The following SUGCT variants were observed in gnomAD, a reference collection of about 807,000 sequenced individuals.
The protein encoded by SUGCT is succinyl-CoA:glutarate-CoA transferase, also known as succinyl-CoA:glutarate CoA-transferase.
A neutral mutation model predicts 55.0 loss-of-function variants in SUGCT; 41 were observed. The observed-to-expected ratio is 0.74, with a 90% CI of 0.58 to 0.97. The LOEUF (loss-of-function observed/expected upper bound fraction) is 0.97, where lower values mean the gene tolerates loss of function less well. Among genes scored for constraint, SUGCT ranks in the 50% least tolerant of loss-of-function variants. The pLI is 0.00. For synonymous variants in SUGCT, 187 were observed against 200.4 expected (o/e 0.93, Z 0.56); for missense variants, 568 against 547.8 (o/e 1.04, Z -0.37).
At chr7:40,699,651 T>A (rs1183453458) in intron 12 of SUGCT, among the ~76,000 whole-genome samples, 1 of 152,118 alleles carries the variant, frequency 6.6e-6, no homozygotes, top group Non-Finnish European at 1.5e-5. Flanking sequence ...GGCGGATCGC[T>A]TGAGGCCAGG....
intron 12 of SUGCT, among the ~76,000 whole-genome samples, chr7:40,547,654 CAAA>C (rs533939498): frequency 1.8e-3 from 267 of 152,042 alleles, no homozygotes; most frequent in Non-Finnish European, 2.9e-3. Flanking sequence ...TAGAGATAAA[CAAA>C]AGAAGGAAAT....
intron 11 of SUGCT, among the ~76,000 whole-genome samples, chr7:40,491,816 C>G (rs1791698634): frequency 6.6e-6 from 1 of 151,948 alleles, no homozygotes; most frequent in African/African-American, 2.4e-5. Flanking sequence ...CATGGTGTAA[C>G]CTGTCTCTAC....
At chr7:40,880,818 A>C in the SUGCT span, among the ~76,000 whole-genome samples, 28 of 152,306 alleles carry the variant, frequency 1.8e-4, no homozygotes, top group Non-Finnish European at 1.9e-4. Flanking sequence ...TTCTGTTGTA[A>C]GTGTGCAAAG....
At chr7:40,996,402 T>C in the SUGCT span, among the ~76,000 whole-genome samples, 5 of 152,158 alleles carry the variant, frequency 3.3e-5, no homozygotes, top group Admixed American at 2.0e-4. Context: ...CCGGTCACAG[T>C]TGGAGCAGTG....
intron 11 of SUGCT, among the ~76,000 whole-genome samples, chr7:40,471,779 T>C (rs2151471565): frequency 6.6e-6 from 1 of 152,104 alleles, no homozygotes; most frequent in East Asian, 1.9e-4. Flanking sequence ...GCAACATAAA[T>C]AAATTGAAAA....
intron 12 of SUGCT, among the ~76,000 whole-genome samples, chr7:40,724,432 G>A (rs970273198): frequency 7.9e-5 from 12 of 151,982 alleles, no homozygotes; most frequent in Admixed American, 3.9e-4. Flanking sequence ...GCGTGGCAGC[G>A]TGCGCCTGTA....
At chr7:40,910,664 C>T in the SUGCT span, among the ~76,000 whole-genome samples, 1 of 152,138 alleles carries the variant, frequency 6.6e-6, no homozygotes, top group Non-Finnish European at 1.5e-5. Context: ...AGCCTTTGCT[C>T]TATTTGGTTC....
At chr7:40,640,895 T>G (rs1490818065) in intron 12 of SUGCT, among the ~76,000 whole-genome samples, 1 of 152,232 alleles carries the variant, frequency 6.6e-6, no homozygotes, top group Non-Finnish European at 1.5e-5. Context: ...AAAGGGGACT[T>G]GGACCTGGCT....
At chr7:40,410,535 C>T (rs1479775893) in intron 9 of SUGCT, among the ~76,000 whole-genome samples, 2 of 151,994 alleles carry the variant, frequency 1.3e-5, no homozygotes, top group African/African-American at 4.8e-5. Flanking sequence ...TTTATTTTAG[C>T]AGCTATTTTG....
At chr7:40,513,783 A>ATTTTTTTTTTTT (rs869065628) in intron 12 of SUGCT, among the ~76,000 whole-genome samples, 1 of 103,992 alleles carries the variant, frequency 9.6e-6, no homozygotes, top group East Asian at 2.6e-4. Context: ...TCAGGGAAGT[A>ATTTTTTTTTTTT]TTTTTTTTTT....
chr7:40,346,372 A>G (rs1797307301), intron 9 of SUGCT, among the ~76,000 whole-genome samples: 1 of 152,106 alleles, frequency 6.6e-6, no homozygotes, highest in South Asian at 2.1e-4. Flanking sequence ...ATAACTAAAA[A>G]AAGTCTATTA....
At chr7:40,457,024 C>T (rs1042794939) in intron 10 of SUGCT, among the ~76,000 whole-genome samples, 1 of 151,898 alleles carries the variant, frequency 6.6e-6, no homozygotes. Context: ...TTTCTCTTCT[C>T]CTTTCGTTTG....
intron 12 of SUGCT, among the ~76,000 whole-genome samples, chr7:40,706,285 T>C (rs1450096339): frequency 3.3e-5 from 5 of 152,144 alleles, no homozygotes; most frequent in Non-Finnish European, 5.9e-5. Flanking sequence ...GGCAGGTGGA[T>C]CACTTGAGGC....
chr7:40,875,543 C>T, the SUGCT span, among the ~76,000 whole-genome samples: 1 of 152,142 alleles, frequency 6.6e-6, no homozygotes, highest in South Asian at 2.1e-4. Context: ...TCTTAAGTAC[C>T]ACTTTAGACA....
At chr7:40,313,637 GTTT>G (rs869306139) in intron 8 of SUGCT, among the ~76,000 whole-genome samples, 2 of 73,238 alleles carry the variant, frequency 2.7e-5, no homozygotes, top group Non-Finnish European at 7.4e-5. Flanking sequence ...GTTTGTTTTT[GTTT>G]TTGTTTTTGT....
intron 12 of SUGCT, among the ~76,000 whole-genome samples, chr7:40,606,991 C>A (rs1417971934): frequency 6.6e-6 from 1 of 152,006 alleles, no homozygotes; most frequent in African/African-American, 2.4e-5. Context: ...GATATTCTAA[C>A]CTTTTAATTA....
chr7:40,406,602 T>C (rs773259467), intron 9 of SUGCT, among the ~76,000 whole-genome samples: 3 of 152,216 alleles, frequency 2.0e-5, no homozygotes, highest in Non-Finnish European at 4.4e-5. Flanking sequence ...TTTTCAAAGG[T>C]CTTTTCATTA....
chr7:40,167,109 A>G (rs1784460453), intron 1 of SUGCT, among the ~76,000 whole-genome samples: 1 of 152,218 alleles, frequency 6.6e-6, no homozygotes, highest in Admixed American at 6.5e-5. Context: ...CAGCATCTTG[A>G]TTCACTGTAG....
At chr7:40,144,094 A>T (rs867738753) in intron 1 of SUGCT, among the ~76,000 whole-genome samples, 1 of 152,086 alleles carries the variant, frequency 6.6e-6, no homozygotes, top group African/African-American at 2.4e-5. Flanking sequence ...GGGGGGCAAG[A>T]CTCCTGGTTG....
Sources: gnomAD v4.1 joint callset for allele counts (sites outside exome capture counted in the v4.1 genomes callset) on GRCh38, gnomAD v4.1.1 for gene constraint, MANE v1.5 for transcripts, NCBI Gene and HGNC (gene_info 2026-07-23, HGNC 2026-07-21) for gene names.